TUBB6: variants seen among roughly 807,000 people sequenced by gnomAD.
TUBB6 encodes tubulin beta 6 class V, also known as tubulin beta-6 chain.
Under a neutral mutation model 32.3 loss-of-function variants are expected in TUBB6, and 18 were observed. That is an observed-to-expected ratio of 0.56 (90% CI 0.39 to 0.83). The LOEUF (loss-of-function observed/expected upper bound fraction) is 0.83, where lower values mean the gene tolerates loss of function less well. Among genes scored for constraint, TUBB6 ranks in the 40% least tolerant of loss-of-function variants. The pLI is 0.00. For synonymous variants in TUBB6, 280 were observed against 265.8 expected (o/e 1.05, Z -0.52); for missense variants, 480 against 632.0 (o/e 0.76, Z 2.58).
chr18:12,310,963 GCCGCCC>G lies in TUBB6; in HGVS notation c.188_193del (p.Ala63_Leu65delinsVal). 1 of 1,613,086 alleles carries G rather than the reference GCCGCCC, an allele frequency of 6.2e-7. No homozygotes were observed. The highest frequency in any genetic ancestry group is 1.1e-5 in the South Asian group (1 of 90,974). ...TCCAGCTCAGAAATATGTGCCCAGG[GCCGCCC>G]TGGTGGACTTAGAGCCAGGCACCAT... On this transcript the variant is annotated inframe_deletion, in exon 3 of 4. Transcript: ENST00000317702.
At chr18:12,316,482 T>C (rs1284217846) in intron 3 of TUBB6, among the ~76,000 whole-genome samples, 2 of 152,242 alleles carry the variant, frequency 1.3e-5, no homozygotes, top group East Asian at 1.9e-4. Context: ...TCATCTGACT[T>C]GCAACCCTAT....
At chr18:12,310,834 C>A in intron 2 of TUBB6, 109 bp from the exon 3 acceptor site, 1 of 673,210 alleles carries the variant, frequency 1.5e-6, no homozygotes, top group Admixed American at 3.1e-5. Flanking sequence ...CTGAAAAGAC[C>A]CTGGTTGATC....
chr18:12,309,424 C>A (rs1047128794), intron 2 of TUBB6, among the ~76,000 whole-genome samples: 9 of 122,478 alleles, frequency 7.3e-5, no homozygotes, highest in African/African-American at 2.4e-4. Context: ...CAGTTTAAAA[C>A]GTATCTCTTA....
chr18:12,327,046 C>T (rs1309188848), downstream of TUBB6, among the ~76,000 whole-genome samples: 3 of 152,240 alleles, frequency 2.0e-5, no homozygotes, highest in East Asian at 3.8e-4. Flanking sequence ...CCACGGGGCA[C>T]GCACAGTAGC....
intron 3 of TUBB6, among the ~76,000 whole-genome samples, chr18:12,317,279 TAGTA>T (rs1416249329): frequency 1.3e-5 from 2 of 151,966 alleles, no homozygotes; most frequent in Non-Finnish European, 2.9e-5. Flanking sequence ...CTGGGCAACA[TAGTA>T]AGACCCTCTG....
intron 3 of TUBB6, among the ~76,000 whole-genome samples, chr18:12,317,324 T>C (rs1466305931): frequency 1.3e-5 from 2 of 152,014 alleles, no homozygotes; most frequent in Non-Finnish European, 2.9e-5. Flanking sequence ...TAGCTAGGCG[T>C]GGTGGTGTGC....
At position 12,311,040 on chromosome 18, in the gene TUBB6, C is replaced by T. The variant is rs780467311; in HGVS notation, c.264C>T (p.Asp88=). 4.2e-5 allele frequency: 68 copies of T among 1,612,758 alleles called. No homozygotes were observed. Among genetic ancestry groups the T allele is most frequent in the Middle Eastern group, 1.6e-4 (1 of 6,074 alleles). ...SGPFGQLFRP[D]NFIFGQTGAG... is the part of the protein sequence containing the mutation. ...CTTTTGGGCAGCTTTTCCGGCCTGA[C>T]AACTTCATCTTTGGTAGGTTCCATC... Residue 88 remains aspartate (D), a synonymous_variant, in exon 3 of 4, where the codon GAC becomes GAT. Transcript: ENST00000317702.
chr18:12,312,452 A>G (rs925874962), intron 3 of TUBB6, among the ~76,000 whole-genome samples: 4 of 152,188 alleles, frequency 2.6e-5, no homozygotes, highest in African/African-American at 7.2e-5. Flanking sequence ...AGACTTATTT[A>G]ACTTACTTGT....
In TUBB6 at chr18:12,325,247, G is replaced by A; in HGVS notation, c.458G>A (p.Ser153Asn). The A allele has an allele frequency of 6.2e-7, 1 of 1,614,176 alleles. No individual in the cohort carries two copies. Among genetic ancestry groups the A allele is most frequent in the Non-Finnish European group, 8.5e-7 (1 of 1,180,042 alleles). Residue 153 changes from serine (S) to asparagine (N), a missense_variant, in exon 4 of 4, where the codon AGC becomes AAC. Transcript: ENST00000317702. ...TCAGGCATGGGCACGCTGCTCATCA[G>A]CAAGATCCGTGAGGAGTTCCCGGAC... ...TGSGMGTLLI[S>N]KIREEFPDRI...
intron 2 of TUBB6, among the ~76,000 whole-genome samples, chr18:12,309,181 C>T (rs943475882): frequency 6.8e-5 from 10 of 146,222 alleles, no homozygotes; most frequent in African/African-American, 2.6e-4. Flanking sequence ...GAGACCACCC[C>T]CCGCCCCCCT....
downstream of TUBB6, among the ~76,000 whole-genome samples, chr18:12,328,730 C>T (rs1159902346): frequency 6.6e-5 from 10 of 152,204 alleles, no homozygotes; most frequent in Admixed American, 6.6e-4. Context: ...AGATTCAGGC[C>T]ATGACTAACC....
intron 3 of TUBB6, 180 bp from the exon 4 acceptor site, chr18:12,324,887 C>T: frequency 7.0e-7 from 1 of 1,419,244 alleles, no homozygotes; most frequent in Non-Finnish European, 9.2e-7. Flanking sequence ...CTTTGACTTG[C>T]CTAAAAACGT....
At chr18:12,310,560 T>G (rs573988223) in intron 2 of TUBB6, among the ~76,000 whole-genome samples, 165 of 151,948 alleles carry the variant, frequency 1.1e-3, no homozygotes, top group African/African-American at 3.9e-3. Context: ...ACTGCAGTCT[T>G]GACCTCCTGG....
At chr18:12,317,259 G>A (rs1490970147) in intron 3 of TUBB6, among the ~76,000 whole-genome samples, 1 of 152,114 alleles carries the variant, frequency 6.6e-6, no homozygotes, top group Non-Finnish European at 1.5e-5. Context: ...CCCAGGAGTT[G>A]AAGGTCAGCC....
intron 3 of TUBB6, among the ~76,000 whole-genome samples, chr18:12,319,769 C>T (rs990994223): frequency 6.6e-6 from 1 of 152,034 alleles, no homozygotes; most frequent in Admixed American, 6.6e-5. Context: ...ACATGGACAA[C>T]ATAAGGGGAC....
Position 12,326,309 on chromosome 18 carries a change from G to A in TUBB6, c.*179G>A. The A allele has an allele frequency of 1.0e-6, 1 of 966,744 alleles. No individual in the cohort carries two copies. The highest frequency in any genetic ancestry group is 1.5e-6 in the Non-Finnish European group (1 of 677,734). 59.9% of individuals were successfully genotyped at this position (966,744 alleles called of 1,614,324 possible). A position where few individuals can be genotyped will look rare whatever the true frequency, so the allele number is the denominator to read the frequency against. On this transcript the variant is annotated 3_prime_UTR_variant, in exon 4 of 4. Transcript: ENST00000317702. ...TGGAACAAAGACTAAAAACAGCAGA[G>A]AATTGCGGGTTCTACCCAGTCAGAA... is the stretch of plus-strand genomic sequence containing the variant.
At chr18:12,308,229 C>T (rs1906098470), upstream of TUBB6, 1 of 1,247,170 alleles carries the variant, frequency 8.0e-7, no homozygotes, top group African/African-American at 1.6e-5. Flanking sequence ...GGGACGCGCG[C>T]AGCCGGCCCG....
chr18:12,323,755 C>G (rs1050871007), intron 3 of TUBB6, among the ~76,000 whole-genome samples: 2 of 151,882 alleles, frequency 1.3e-5, no homozygotes, highest in Non-Finnish European at 2.9e-5. Context: ...TTGCAGTGAG[C>G]CGAGATCGCA....
intron 3 of TUBB6, among the ~76,000 whole-genome samples, chr18:12,313,061 C>A (rs1479724003): frequency 7.1e-6 from 1 of 141,278 alleles, no homozygotes; most frequent in Non-Finnish European, 1.5e-5. Context: ...GACAAAAAAA[C>A]TTCTATGTAA....
Sources: gnomAD v4.1 joint callset for allele counts (sites outside exome capture counted in the v4.1 genomes callset) on GRCh38, gnomAD v4.1.1 for gene constraint, MANE v1.5 for transcripts, NCBI Gene and HGNC (gene_info 2026-07-23, HGNC 2026-07-21) for gene names.